Variants in TNR observed in about 807,000 individuals in gnomAD.
The protein encoded by TNR is tenascin-R.
A neutral mutation model predicts 150.4 loss-of-function variants in TNR; 45 were observed. The observed-to-expected ratio is 0.30, with a 90% CI of 0.24 to 0.38. The LOEUF (loss-of-function observed/expected upper bound fraction) is 0.38, where lower values mean the gene tolerates loss of function less well. Among genes scored for constraint, TNR ranks in the 10% least tolerant of loss-of-function variants. The pLI, the probability that TNR is intolerant of heterozygous loss-of-function variation, is 1.00. For synonymous variants in TNR, 687 were observed against 678.4 expected (o/e 1.01, Z -0.20); for missense variants, 1,544 against 1,759.1 (o/e 0.88, Z 2.19).
At position 175,606,589 on chromosome 1, in the gene TNR, G is replaced by A. The variant is rs573494482; in HGVS notation, c.-164-78220C>T. On this transcript the variant is annotated intron_variant, in intron 1 of 22. Transcript: ENST00000367674. ...GGGGTTTCCTAGGATCCCTAGGAAT[G>A]CCTACAGGCTGGCAGAATTCCTGAA... Among the ~76,000 whole-genome samples the A allele has an allele frequency of 9.9e-5, 15 of 152,210 alleles. No homozygotes were observed. The South Asian group carries it at 2.7e-3, about 27-fold the overall frequency.
chr1:175,377,893 C>A (rs1652485826), intron 9 of TNR, among the ~76,000 whole-genome samples: 2 of 152,190 alleles, frequency 1.3e-5, no homozygotes, highest in South Asian at 4.1e-4. Context: ...CTGAAAACCA[C>A]ACCCCCATTT....
At chr1:175,664,319 G>A (rs1316394395) in intron 1 of TNR, among the ~76,000 whole-genome samples, 1 of 152,210 alleles carries the variant, frequency 6.6e-6, no homozygotes, top group Non-Finnish European at 1.5e-5. Flanking sequence ...GGGGCAGAGT[G>A]GTAGAGGTAT....
chr1:175,416,499 G>T (rs971927292), intron 2 of TNR, among the ~76,000 whole-genome samples: 3 of 152,188 alleles, frequency 2.0e-5, no homozygotes, highest in African/African-American at 7.2e-5. Context: ...TTTTTCATCT[G>T]TGTTTCTTGA....
At chr1:175,503,866 T>C (rs1184579581) in intron 2 of TNR, among the ~76,000 whole-genome samples, 2 of 152,154 alleles carry the variant, frequency 1.3e-5, no homozygotes, top group African/African-American at 2.4e-5. Context: ...TGAGGTAATC[T>C]GTTACGTGCA....
chr1:175,550,973 G>C (rs1401383270), intron 1 of TNR, among the ~76,000 whole-genome samples: 2 of 152,092 alleles, frequency 1.3e-5, no homozygotes, highest in Non-Finnish European at 2.9e-5. Flanking sequence ...AGCACACAAA[G>C]ATAGAAAATA....
At chr1:175,339,871 C>T (rs879467198) in intron 18 of TNR, among the ~76,000 whole-genome samples, 6 of 152,028 alleles carry the variant, frequency 3.9e-5, no homozygotes, top group African/African-American at 7.3e-5. Flanking sequence ...GGGAAACAAA[C>T]GATCTCATGC....
chr1:175,632,701 A>G (rs1272676994), intron 1 of TNR, among the ~76,000 whole-genome samples: 4 of 152,328 alleles, frequency 2.6e-5, no homozygotes, highest in African/African-American at 9.6e-5. Flanking sequence ...ATCTCTTTCA[A>G]TCCTGAGAAT....
chr1:175,457,650 A>G (rs1025083996), intron 2 of TNR, among the ~76,000 whole-genome samples: 1 of 152,372 alleles, frequency 6.6e-6, no homozygotes, highest in Non-Finnish European at 1.5e-5. Flanking sequence ...AAGCAAAAAA[A>G]CAGAAAGAAA....
intron 2 of TNR, among the ~76,000 whole-genome samples, chr1:175,447,395 C>A (rs768155673): frequency 6.6e-6 from 1 of 152,150 alleles, no homozygotes; most frequent in African/African-American, 2.4e-5. Context: ...GGGTGGGCAG[C>A]GGGAAGGAGG....
At chr1:175,501,089 A>T (rs1029041563) in intron 2 of TNR, among the ~76,000 whole-genome samples, 1 of 152,050 alleles carries the variant, frequency 6.6e-6, no homozygotes, top group Non-Finnish European at 1.5e-5. Flanking sequence ...TTGTAGGGCA[A>T]TGGGGAGTTT....
At chr1:175,504,625 T>C (rs1658876399) in intron 2 of TNR, among the ~76,000 whole-genome samples, 1 of 151,952 alleles carries the variant, frequency 6.6e-6, no homozygotes, top group Non-Finnish European at 1.5e-5. Flanking sequence ...TGTGGGTCAC[T>C]CCCCTCCCCA....
chr1:175,646,472 T>G (rs1181136833), intron 1 of TNR, among the ~76,000 whole-genome samples: 1 of 152,224 alleles, frequency 6.6e-6, no homozygotes, highest in Non-Finnish European at 1.5e-5. Context: ...AGCTTTACCA[T>G]TAGAGACTCC....
At chr1:175,377,430 G>C (rs544306013) in intron 9 of TNR, among the ~76,000 whole-genome samples, 1 of 149,438 alleles carries the variant, frequency 6.7e-6, no homozygotes, top group East Asian at 2.0e-4. Context: ...GCTGCGCTTA[G>C]AATCAGTTCC....
chr1:175,709,813 C>A (rs1042285845), intron 1 of TNR, among the ~76,000 whole-genome samples: 1 of 151,872 alleles, frequency 6.6e-6, no homozygotes, highest in Non-Finnish European at 1.5e-5. Flanking sequence ...AACAACATCC[C>A]TAGTACCTCC....
intron 1 of TNR, among the ~76,000 whole-genome samples, chr1:175,630,403 T>C (rs1211672109): frequency 6.6e-6 from 1 of 152,196 alleles, no homozygotes; most frequent in Non-Finnish European, 1.5e-5. Context: ...AAAACAATTA[T>C]GTTGTTCAGT....
chr1:175,717,920 T>A (rs1481411290), intron 1 of TNR, among the ~76,000 whole-genome samples: 4 of 152,140 alleles, frequency 2.6e-5, no homozygotes, highest in African/African-American at 9.7e-5. Flanking sequence ...GAAAGCCAGC[T>A]TCCCCCAGCA....
At chr1:175,659,867 T>C (rs1259124696) in intron 1 of TNR, among the ~76,000 whole-genome samples, 1 of 148,456 alleles carries the variant, frequency 6.7e-6, no homozygotes, top group Non-Finnish European at 1.5e-5. Context: ...AAAAATAACC[T>C]GGACTTTTAC....
intron 1 of TNR, among the ~76,000 whole-genome samples, chr1:175,639,042 T>G (rs1039421079): frequency 6.6e-6 from 1 of 152,212 alleles, no homozygotes; most frequent in Non-Finnish European, 1.5e-5. Flanking sequence ...ATTCAAGATT[T>G]GATCACTCCT....
chr1:175,409,418 C>T (rs941915818), intron 2 of TNR, among the ~76,000 whole-genome samples: 2 of 152,080 alleles, frequency 1.3e-5, no homozygotes, highest in Non-Finnish European at 2.9e-5. Context: ...ATGTTAGGTC[C>T]TACACTTTTA....
Sources: gnomAD v4.1 joint callset for allele counts (sites outside exome capture counted in the v4.1 genomes callset) on GRCh38, gnomAD v4.1.1 for gene constraint, MANE v1.5 for transcripts, NCBI Gene and HGNC (gene_info 2026-07-23, HGNC 2026-07-21) for gene names.